SOS1: variants seen among roughly 807,000 people sequenced by gnomAD.
SOS1 encodes the protein son of sevenless homolog 1.
In SOS1, 25 loss-of-function variants were observed where a neutral mutation model predicts 157.6. That is an observed-to-expected ratio of 0.16 (90% CI 0.12 to 0.22). The LOEUF is 0.22. SOS1 is among the 10% of genes least tolerant of loss of function. SOS1 has a pLI of 1.00. For missense variants in SOS1, 1,237 were observed against 1,599.1 expected, an observed-to-expected ratio of 0.77 and a Z score of 3.86; for synonymous variants, 528 against 534.0, an observed-to-expected ratio of 0.99 and a Z score of 0.16.
intron 1 of SOS1, among the ~76,000 whole-genome samples, chr2:39,102,050 G>C (rs1265978639): frequency 6.6e-6 from 1 of 150,678 alleles, no homozygotes; most frequent in East Asian, 1.9e-4. Flanking sequence ...TACTAAAAAT[G>C]CAAAAATTAG....
rs1668493725 is a variant in SOS1, at chr2:38,984,485, G to A, written c.*1339C>T. ...TAACAAACTGTATACTTGTTGCTTA[G>A]GAACTTAAAACTTACTTACAAAGTT... On this transcript the variant is annotated 3_prime_UTR_variant, in exon 23 of 23. Transcript: ENST00000402219. 2 of 147,434 alleles carry A rather than the reference G, an allele frequency of 1.4e-5. No homozygotes were observed. Among genetic ancestry groups the A allele is most frequent in the Non-Finnish European group, 2.9e-5 (2 of 67,994 alleles). The allele number at this position is 147,434 out of a possible 1,614,324, so 9.1% of individuals were successfully genotyped here.
intron 2 of SOS1, among the ~76,000 whole-genome samples, chr2:39,062,193 G>A (rs983621051): frequency 1.3e-5 from 2 of 151,838 alleles, no homozygotes; most frequent in African/African-American, 2.4e-5. Context: ...GGAGGTGGGC[G>A]GACTGCTTGA....
intron 1 of SOS1, among the ~76,000 whole-genome samples, chr2:39,079,739 C>G (rs1241413814): frequency 6.6e-6 from 1 of 151,982 alleles, no homozygotes; most frequent in Non-Finnish European, 1.5e-5. Context: ...GTGATCTGCC[C>G]ACCTTGGCCT....
At chr2:39,077,675 T>C (rs1216750396) in intron 1 of SOS1, among the ~76,000 whole-genome samples, 1 of 152,166 alleles carries the variant, frequency 6.6e-6, no homozygotes, top group Non-Finnish European at 1.5e-5. Flanking sequence ...TGTATACAGA[T>C]CTTGTATGAA....
At chr2:39,072,088 G>A (rs915192153) in intron 1 of SOS1, among the ~76,000 whole-genome samples, 40 of 151,918 alleles carry the variant, frequency 2.6e-4, no homozygotes, top group Non-Finnish European at 1.0e-4. Context: ...CCTCTGTTAG[G>A]TATTGGATAT....
At position 39,120,372 on chromosome 2, in the gene SOS1, G is replaced by C. The variant is rs567678325; in HGVS notation, c.51C>G (p.Pro17=). 1 of 1,602,304 alleles carries C rather than the reference G, an allele frequency of 6.2e-7. No individual in the cohort carries two copies. Among genetic ancestry groups the C allele is most frequent in the South Asian group, 1.1e-5 (1 of 89,764 alleles). Residue 17 remains proline (P), a synonymous_variant, in exon 1 of 23, where the codon CCC becomes CCG. Coordinates refer to ENST00000402219, the MANE Select transcript of SOS1 (RefSeq NM_005633.4). ...PYEFFSEENA[P]KWRGLLVPAL... is the part of the protein sequence containing the mutation. ...CAGGCACCAGTAGTCCCCGCCACTTGGGCGCGTTCTCTTCGCTGAAAAACT... is the reference window on the plus strand; with the variant it reads ...CAGGCACCAGTAGTCCCCGCCACTTCGGCGCGTTCTCTTCGCTGAAAAACT...
At chr2:39,021,809 A>T (rs1669806530) in intron 10 of SOS1, among the ~76,000 whole-genome samples, 1 of 151,778 alleles carries the variant, frequency 6.6e-6, no homozygotes, top group Non-Finnish European at 1.5e-5. Flanking sequence ...GTAACTGAAT[A>T]AAAAACATTT....
At chr2:39,075,313 G>T (rs1456601446) in intron 1 of SOS1, among the ~76,000 whole-genome samples, 1 of 152,050 alleles carries the variant, frequency 6.6e-6, no homozygotes, top group Non-Finnish European at 1.5e-5. Flanking sequence ...CTTAGGACAG[G>T]AAATACTAGA....
At chr2:39,045,221 T>C (rs1464326817) in intron 6 of SOS1, among the ~76,000 whole-genome samples, 2 of 119,960 alleles carry the variant, frequency 1.7e-5, no homozygotes, top group African/African-American at 3.1e-5. Context: ...GCTAATTGAG[T>C]GTGAGGGAAT....
intron 3 of SOS1, 75 bp from the exon 4 acceptor site, chr2:39,056,941 A>T: frequency 9.3e-7 from 1 of 1,069,580 alleles, no homozygotes; most frequent in Non-Finnish European, 1.4e-6. Context: ...AATAAAAAAC[A>T]TATTTGCACC....
At chr2:39,060,458 G>A (rs898589394) in intron 2 of SOS1, among the ~76,000 whole-genome samples, 3 of 152,150 alleles carry the variant, frequency 2.0e-5, no homozygotes, top group African/African-American at 4.8e-5. Flanking sequence ...ACAGAGTCTT[G>A]CTCTGTTGCG....
intron 17 of SOS1, among the ~76,000 whole-genome samples, chr2:39,000,422 G>GT (rs915536656): frequency 8.0e-4 from 121 of 150,844 alleles, no homozygotes; most frequent in African/African-American, 2.6e-3. Context: ...TAAAGCTTAG[G>GT]TTTTTTTTTC....
At chr2:39,031,599 G>A (rs1437154526) in intron 8 of SOS1, among the ~76,000 whole-genome samples, 1 of 151,788 alleles carries the variant, frequency 6.6e-6, no homozygotes, top group Non-Finnish European at 1.5e-5. Flanking sequence ...GCGTAGTGGC[G>A]GGCGTCTGTA....
intron 1 of SOS1, among the ~76,000 whole-genome samples, chr2:39,110,583 G>T (rs553308365): frequency 4.6e-5 from 7 of 151,594 alleles, no homozygotes; most frequent in Middle Eastern, 3.5e-3. Context: ...TTCTTCAACG[G>T]ATAGTTCTGA....
chr2:39,078,932 C>T (rs550384015), intron 1 of SOS1, among the ~76,000 whole-genome samples: 2 of 151,862 alleles, frequency 1.3e-5, no homozygotes, highest in Admixed American at 6.6e-5. Flanking sequence ...CGGTGGCATA[C>T]GCCTGTAGTC....
intron 1 of SOS1, among the ~76,000 whole-genome samples, chr2:39,104,270 A>G (rs1296316469): frequency 6.6e-6 from 1 of 151,926 alleles, no homozygotes; most frequent in Non-Finnish European, 1.5e-5. Context: ...GGACAACAGC[A>G]AGACTTCATC....
rs1373636855 is a variant in SOS1 at position 38,989,282 on chromosome 2, G to A, written c.3379C>T (p.Pro1127Ser). Reference sequence around the variant, plus strand: ...CAAATATACTAACTTGGGCCATGGGGCAGAGTAACTTGGATAAAGACGGTA... The same window carrying A: ...CAAATATACTAACTTGGGCCATGGGACAGAGTAACTTGGATAAAGACGGTA... ...NDTVFIQVTLPHGPRSASVSS... is the reference protein window; with the variant it reads ...NDTVFIQVTLSHGPRSASVSS... Residue 1127 changes from proline (P) to serine (S), a missense_variant, in exon 21 of 23, where the codon CCC (proline) becomes TCC (serine). Physicochemically the swap from Pro to Ser is moderately conservative, Grantham distance 74 (BLOSUM62 -1). Around this residue, in one of 15 missense-constraint regions of SOS1, gnomAD observed 306 missense variants for 322.6 expected, o/e 0.95. Coordinates refer to ENST00000402219, the MANE Select transcript of SOS1 (RefSeq NM_005633.4). The A allele has an allele frequency of 1.2e-6, 2 of 1,605,314 alleles. No homozygotes were observed. The highest frequency in any genetic ancestry group is 1.1e-5 in the South Asian group (1 of 90,898).
chr2:39,056,601 C>A, intron 4 of SOS1, 101 bp downstream of exon 4: 1 of 800,620 alleles, frequency 1.2e-6, no homozygotes, highest in Non-Finnish European at 2.2e-6. Flanking sequence ...GAGATATTCC[C>A]CAACACATAA....
chr2:39,103,605 T>A (rs751045090), intron 1 of SOS1, among the ~76,000 whole-genome samples: 1 of 152,168 alleles, frequency 6.6e-6, no homozygotes, highest in Non-Finnish European at 1.5e-5. Context: ...AAGAATGACG[T>A]TGGACTCCTA....
Sources: allele counts gnomAD v4.1 joint callset (sites outside exome capture counted in the v4.1 genomes callset), GRCh38; gene constraint gnomAD v4.1.1; regional missense constraint gnomAD v4.1.1; transcripts MANE v1.5; gene names NCBI Gene and HGNC (gene_info 2026-07-23, HGNC 2026-07-21).